Variants in CNNM4 observed in about 807,000 individuals in gnomAD.
The protein encoded by CNNM4 is metal transporter CNNM4.
CNNM4 carries 32 observed loss-of-function variants against 53.7 expected under a neutral mutation model. The ratio of observed to expected loss-of-function variants is 0.60; its 90% CI spans 0.45 to 0.80. The LOEUF is 0.80. CNNM4 is among the 30% of genes least tolerant of loss of function. The pLI is 0.00. For synonymous variants in CNNM4, 410 were observed against 440.0 expected (o/e 0.93, Z 0.85); for missense variants, 784 against 1,022.0 (o/e 0.77, Z 3.17).
At chr2:96,799,008 G>C in intron 3 of CNNM4, 49 bp from the exon 4 acceptor site, 2 of 1,594,536 alleles carry the variant, frequency 1.3e-6, no homozygotes, top group African/African-American at 1.3e-5. Context: ...TCGAGCTTTA[G>C]GGCCACCTGG....
intron 1 of CNNM4, among the ~76,000 whole-genome samples, chr2:96,778,841 A>G (rs1165117853): frequency 6.6e-6 from 1 of 152,150 alleles, no homozygotes; most frequent in Admixed American, 6.5e-5. Context: ...TTTTTATTTT[A>G]AGCATTTAAT....
chr2:96,761,152 G>A lies in CNNM4; in HGVS notation c.153G>A (p.Leu51=). 1 of 1,607,802 alleles carries A rather than the reference G, an allele frequency of 6.2e-7. No homozygotes were observed. The highest frequency in any genetic ancestry group is 8.5e-7 in the Non-Finnish European group (1 of 1,175,554). ...AGGGCACGATCGTGGGCATGAGGCT[G>A]GCGAGCTGCAACAAGTCGTGTGGGA... is the stretch of plus-strand genomic sequence containing the variant. ...PQQGTIVGMR[L]ASCNKSCGTN... is the part of the protein sequence containing the mutation. The change falls in exon 1 of 7, where the codon CTG becomes CTA. Residue 51 remains leucine, a synonymous_variant. Coordinates refer to ENST00000377075, the MANE Select transcript of CNNM4 (RefSeq NM_020184.4). The surrounding 1 kb of genome is among the most constrained non-coding windows in gnomAD (Gnocchi z 6.0).
chr2:96,774,211 C>T (rs1224844749), intron 1 of CNNM4, among the ~76,000 whole-genome samples: 1 of 152,130 alleles, frequency 6.6e-6, no homozygotes, highest in Admixed American at 6.6e-5. Flanking sequence ...GTTTTCATTT[C>T]AGCTTCACTG....
At chr2:96,793,268 C>G (rs573149413) in intron 1 of CNNM4, among the ~76,000 whole-genome samples, 2 of 152,278 alleles carry the variant, frequency 1.3e-5, no homozygotes, top group Admixed American at 6.5e-5. Context: ...CAGAGGCTCT[C>G]TGGCCCGGGG....
Position 96,806,535 on chromosome 2 carries a change from A to ACACACACACACG in CNNM4, c.1949-2025_1949-2024insACACACACACGC, listed in dbSNP as rs374638753. Among the ~76,000 whole-genome samples the ACACACACACACG allele has an allele frequency of 6.7e-3, 826 of 123,888 alleles. 1 individual carries two copies. The highest frequency in any genetic ancestry group is 0.011 in the Non-Finnish European group (584 of 55,366). 81.3% of individuals were successfully genotyped at this position (123,888 alleles called of 152,430 possible). A position where few individuals can be genotyped will look rare whatever the true frequency, so the allele number is the denominator to read the frequency against. Reference sequence around the variant, plus strand: ...CACACACACACACACACACACACACACGCGCGCGCGCGCGCGCGCCCTTAG... The same window carrying ACACACACACACG: ...CACACACACACACACACACACACACACACACACACACGCGCGCGCGCGCGCGCGCGCCCTTAG... On this transcript the variant is annotated intron_variant, in intron 5 of 6. Coordinates refer to ENST00000377075, the MANE Select transcript of CNNM4 (RefSeq NM_020184.4).
In CNNM4 at chr2:96,761,910, T is replaced by G. The variant is rs2078768060; in HGVS notation, c.911T>G (p.Leu304Arg). 2 of 1,614,196 alleles carry G rather than the reference T, an allele frequency of 1.2e-6. No individual in the cohort carries two copies. Among genetic ancestry groups the G allele is most frequent in the Non-Finnish European group, 1.7e-6 (2 of 1,180,036 alleles). ...CTGGCTGTGGGTGCCAACACCATCC[T>G]TCTCACCAAATTCTTTATGCTACTC... Reference protein sequence around the residue: ...HGLAVGANTILLTKFFMLLTF... With the variant: ...HGLAVGANTIRLTKFFMLLTF... Residue 304 changes from leucine (L) to arginine (R), a missense_variant, in exon 1 of 7, where the codon CTT (leucine) becomes CGT (arginine). Transcript: ENST00000377075. The surrounding 1 kb of genome is among the most constrained non-coding windows in gnomAD (Gnocchi z 6.0).
At chr2:96,765,349 C>T (rs2078806966) in intron 1 of CNNM4, among the ~76,000 whole-genome samples, 1 of 151,856 alleles carries the variant, frequency 6.6e-6, no homozygotes, top group African/African-American at 2.4e-5. Flanking sequence ...TGGTCTTGAA[C>T]TCCCGACCTC....
At chr2:96,783,606 AC>A (rs2078992314) in intron 1 of CNNM4, among the ~76,000 whole-genome samples, 2 of 152,208 alleles carry the variant, frequency 1.3e-5, no homozygotes, top group East Asian at 3.9e-4. Context: ...AATTGTCCTG[AC>A]TGTGTCTTCT....
chr2:96,762,311 C>A lies in CNNM4; in HGVS notation c.1312C>A (p.Leu438Ile), dbSNP rs774130429. 1.9e-6 allele frequency: 3 copies of A among 1,614,194 alleles called. No individual in the cohort carries two copies. The highest frequency in any genetic ancestry group is 2.5e-6 in the Non-Finnish European group (3 of 1,180,040). The change falls in exon 1 of 7, where the codon CTC (leucine) becomes ATC (isoleucine). Residue 438 changes from leucine (L) to isoleucine (I), a missense_variant. Coordinates refer to ENST00000377075, the MANE Select transcript of CNNM4 (RefSeq NM_020184.4). ...TGTGGACCCCGATGACTGCACCCCC[C>A]TCAAGACTATCACTCGCTTCTATAA... is the stretch of plus-strand genomic sequence containing the variant. ...AFVDPDDCTP[L>I]KTITRFYNHP... is the part of the protein sequence containing the mutation.
chr2:96,804,332 T>C lies in CNNM4; in HGVS notation c.1949-4229T>C, dbSNP rs541952536. Reference sequence around the variant, plus strand: ...GCAACCTCCACTTCCCGGGTTCAAGTGATTCTCCTGCCTCAGCTTCCCGAG... The same window carrying C: ...GCAACCTCCACTTCCCGGGTTCAAGCGATTCTCCTGCCTCAGCTTCCCGAG... On this transcript the variant is annotated intron_variant, in intron 5 of 6. Transcript: ENST00000377075. Among the ~76,000 whole-genome samples the C allele has an allele frequency of 8.0e-5, 12 of 149,782 alleles. No homozygotes were observed. The East Asian group carries it at 2.4e-3, about 30-fold the overall frequency.
At chr2:96,762,686 A>C (rs2078776785) in intron 1 of CNNM4, among the ~76,000 whole-genome samples, 1 of 152,150 alleles carries the variant, frequency 6.6e-6, no homozygotes, top group Non-Finnish European at 1.5e-5. Context: ...CTATTGAAGC[A>C]AGACAGAGTA....
At chr2:96,783,714 C>T (rs2078993416) in intron 1 of CNNM4, among the ~76,000 whole-genome samples, 1 of 152,146 alleles carries the variant, frequency 6.6e-6, no homozygotes, top group Non-Finnish European at 1.5e-5. Context: ...CATGGAGATA[C>T]AGTTACATAT....
At chr2:96,785,351 C>T (rs915926126) in intron 1 of CNNM4, among the ~76,000 whole-genome samples, 19 of 151,864 alleles carry the variant, frequency 1.3e-4, no homozygotes, top group Non-Finnish European at 2.6e-4. Context: ...GAAGTAAAAC[C>T]GAAGTCCAGG....
chr2:96,790,720 T>A (rs1352249338), intron 1 of CNNM4, among the ~76,000 whole-genome samples: 1 of 147,784 alleles, frequency 6.8e-6, no homozygotes, highest in African/African-American at 2.5e-5. Context: ...TGGCTCACCC[T>A]TGTAATCCCA....
chr2:96,779,182 T>A (rs887408311), intron 1 of CNNM4, among the ~76,000 whole-genome samples: 1 of 152,124 alleles, frequency 6.6e-6, no homozygotes, highest in African/African-American at 2.4e-5. Context: ...ATGGTCTCGA[T>A]CTCCTGAGCT....
intron 1 of CNNM4, among the ~76,000 whole-genome samples, chr2:96,765,387 A>G (rs1163440928): frequency 1.3e-5 from 2 of 151,630 alleles, no homozygotes; most frequent in Non-Finnish European, 2.9e-5. Flanking sequence ...TGGCCTCCCA[A>G]AGTGCTGGGA....
rs868429650 is a variant in CNNM4 at position 96,805,433 on chromosome 2, T to A, written c.1949-3128T>A. ...CTTCTTTTCAGTTTTTTTTTTTTTT[T>A]TTTTTTATTATTTTTTTTTAAATTT... On this transcript the variant is annotated intron_variant, in intron 5 of 6. Transcript: ENST00000377075. 5.1e-3 allele frequency among the ~76,000 whole-genome samples: 715 copies of A among 140,414 alleles called. 9 individuals carry two copies. Among genetic ancestry groups the A allele is most frequent in the African/African-American group, 8.7e-3 (291 of 33,478 alleles). The allele number at this position is 140,414 out of a possible 152,430, so 92.1% of individuals were successfully genotyped here.
chr2:96,796,326 G>A (rs560914648), intron 1 of CNNM4, among the ~76,000 whole-genome samples: 80 of 151,856 alleles, frequency 5.3e-4, no homozygotes, highest in African/African-American at 1.8e-3. Context: ...TGTATTTTTA[G>A]TAGAGATGGG....
chr2:96,765,024 G>GATTTTTT (rs2078801708), intron 1 of CNNM4, among the ~76,000 whole-genome samples: 2 of 41,518 alleles, frequency 4.8e-5, no homozygotes, highest in African/African-American at 1.8e-4. Context: ...GTTGGGAATG[G>GATTTTTT]TTTTTTTTTT....
Sources: allele counts gnomAD v4.1 joint callset (sites outside exome capture counted in the v4.1 genomes callset), GRCh38; gene constraint gnomAD v4.1.1; non-coding constraint Gnocchi (gnomAD v3.1); transcripts MANE v1.5; gene names NCBI Gene and HGNC (gene_info 2026-07-23, HGNC 2026-07-21).